The following CMYA5 variants were observed in gnomAD, a reference collection of about 807,000 sequenced individuals.
CMYA5 encodes cardiomyopathy-associated protein 5.
Under a neutral mutation model 318.9 loss-of-function variants are expected in CMYA5, and 246 were observed. The observed-to-expected ratio is 0.77, with a 90% confidence interval of 0.70 to 0.86. The LOEUF is 0.86. Ranked by LOEUF, CMYA5 falls within the 40% of genes least tolerant of loss-of-function variation. CMYA5 has a pLI of 0.00. For missense variants in CMYA5, 4,589 were observed against 4,678.2 expected (o/e 0.98, Z 0.56); for synonymous variants, 1,641 against 1,729.5 (o/e 0.95, Z 1.27).
intron 1 of CMYA5, among the ~76,000 whole-genome samples, chr5:79,716,060 G>A (rs1827509490): frequency 6.6e-6 from 1 of 152,114 alleles, no homozygotes; most frequent in Non-Finnish European, 1.5e-5. Flanking sequence ...AGTTTGTGGT[G>A]GATACTCACA....
Position 79,729,083 on chromosome 5 carries a change from G to A in CMYA5, c.318G>A (p.Val106=), listed in dbSNP as rs781467677. The part of the protein sequence containing the change: ...WASEESQTSG[V]CSREGSTVNS... The stretch of plus-strand genomic sequence containing the variant: ...CAGAAGAAAGTCAGACTTCTGGTGT[G>A]TGTAGTCGGGAAGGGTCAACTGTGA... The change falls in exon 2 of 13, where the codon GTG becomes GTA. Residue 106 remains valine (V), a synonymous_variant. Transcript: ENST00000446378. The A allele has an allele frequency of 8.1e-6, 13 of 1,613,898 alleles. No homozygotes were observed. The highest frequency in any genetic ancestry group is 1.1e-5 in the Non-Finnish European group (13 of 1,179,864).
At position 79,737,805 on chromosome 5, in the gene CMYA5, AC is replaced by A; in HGVS notation, c.9044del (p.Pro3015HisfsTer2). ...GAGCAGGTTAGAAGATGAAAAAGTT[AC>A]CCCATTGAAAGAAAATAAACAAAAG... ...LKSRLEDEKV[T>X]PLKENKQKET... is the part of the protein sequence containing the mutation. On this transcript the variant is annotated frameshift_variant, in exon 2 of 13. Coordinates refer to ENST00000446378, the MANE Select transcript of CMYA5 (RefSeq NM_153610.5). LOFTEE classifies it high-confidence loss of function. 6.2e-7 allele frequency: 1 copy of A among 1,608,474 alleles called. No homozygotes were observed.
chr5:79,689,855 G>T lies in CMYA5; in HGVS notation c.-53G>T. On this transcript the variant is annotated 5_prime_UTR_variant, in exon 1 of 13. It adds an upstream start codon to the 5' untranslated region. Coordinates refer to ENST00000446378, the MANE Select transcript of CMYA5 (RefSeq NM_153610.5). ...CAGAGCAGTCGGAGGGAGAACACCA[G>T]GCGCGGCGCGGGCGGCTCCGGCTCC... 1.6e-6 allele frequency: 1 copy of T among 639,946 alleles called. No individual in the cohort carries two copies. Among genetic ancestry groups the T allele is most frequent in the South Asian group, 1.7e-5 (1 of 58,204 alleles). The allele number at this position is 639,946 out of a possible 1,614,324, so 39.6% of individuals were successfully genotyped here. A position where few individuals can be genotyped will look rare whatever the true frequency, so the allele number is the denominator to read the frequency against.
intron 1 of CMYA5, among the ~76,000 whole-genome samples, chr5:79,723,483 T>G (rs1459620826): frequency 6.8e-6 from 1 of 147,344 alleles, no homozygotes; most frequent in Non-Finnish European, 1.5e-5. Context: ...GATTACAGGC[T>G]GGCCATGGTG....
chr5:79,763,592 A>G (rs1828697166), intron 9 of CMYA5, among the ~76,000 whole-genome samples: 2 of 152,202 alleles, frequency 1.3e-5, no homozygotes, highest in African/African-American at 4.8e-5. Flanking sequence ...TATAATGTAA[A>G]TTGGAATGTC....
chr5:79,738,214 C>A lies in CMYA5; in HGVS notation c.9449C>A (p.Ser3150Ter). 1 of 1,613,840 alleles carries A rather than the reference C, an allele frequency of 6.2e-7. No individual in the cohort carries two copies. Among genetic ancestry groups the A allele is most frequent in the Non-Finnish European group, 8.5e-7 (1 of 1,179,840 alleles). The change falls in exon 2 of 13, where the codon TCA (serine) becomes TAA (stop). Residue 3150 changes from serine to a stop codon, truncating the protein, a stop_gained. Coordinates refer to ENST00000446378, the MANE Select transcript of CMYA5 (RefSeq NM_153610.5). LOFTEE classifies it high-confidence loss of function. Reference sequence around the variant, plus strand: ...AAGGACACAAAGAGAGATGTGGACTCAAAGTCACCGGGGATGCCTTTATTT... The same window carrying A: ...AAGGACACAAAGAGAGATGTGGACTAAAAGTCACCGGGGATGCCTTTATTT... ...VSKDTKRDVD[S>*]KSPGMPLFEA...
At chr5:79,704,565 TA>T (rs1218886297) in intron 1 of CMYA5, among the ~76,000 whole-genome samples, 1 of 152,162 alleles carries the variant, frequency 6.6e-6, no homozygotes, top group Non-Finnish European at 1.5e-5. Flanking sequence ...GGAAAAGCAA[TA>T]AAATATCTTT....
At chr5:79,705,557 A>G (rs1217342170) in intron 1 of CMYA5, among the ~76,000 whole-genome samples, 4 of 152,108 alleles carry the variant, frequency 2.6e-5, no homozygotes, top group South Asian at 2.1e-4. Context: ...AATTGAAAGA[A>G]CTTTTATTTC....
intron 1 of CMYA5, among the ~76,000 whole-genome samples, chr5:79,726,734 C>A (rs1196792850): frequency 3.9e-5 from 6 of 152,092 alleles, no homozygotes; most frequent in African/African-American, 1.4e-4. Context: ...ACAGCCATAA[C>A]CCCTTTGCAG....
chr5:79,742,973 CAAGGAATACCATATG>C (rs1176985585), intron 2 of CMYA5, among the ~76,000 whole-genome samples: 1 of 152,040 alleles, frequency 6.6e-6, no homozygotes, highest in African/African-American at 2.4e-5. Context: ...ATTCTAGAGC[CAAGGAATACCATATG>C]AAGGCACACA....
At chr5:79,769,123 G>C (rs1180368892) in intron 9 of CMYA5, among the ~76,000 whole-genome samples, 1 of 151,840 alleles carries the variant, frequency 6.6e-6, no homozygotes, top group Non-Finnish European at 1.5e-5. Context: ...AGAAGTTCTC[G>C]TGCTGTGTTT....
intron 1 of CMYA5, among the ~76,000 whole-genome samples, chr5:79,692,911 C>A (rs1407718606): frequency 1.3e-5 from 2 of 152,138 alleles, no homozygotes; most frequent in Non-Finnish European, 2.9e-5. Flanking sequence ...TAATATTTGC[C>A]ATAGACAATG....
At chr5:79,794,782 C>T (rs763833492) in intron 12 of CMYA5, among the ~76,000 whole-genome samples, 1 of 152,190 alleles carries the variant, frequency 6.6e-6, no homozygotes, top group Non-Finnish European at 1.5e-5. Flanking sequence ...TCTCTGGCTG[C>T]ACATTTCTCC....
chr5:79,733,016 C>CA lies in CMYA5; in HGVS notation c.4253dup (p.Val1419GlyfsTer4), dbSNP rs1561208547. The CA allele has an allele frequency of 6.2e-7, 1 of 1,613,378 alleles. No individual in the cohort carries two copies. The highest frequency in any genetic ancestry group is 8.5e-7 in the Non-Finnish European group (1 of 1,179,654). On this transcript the variant is annotated frameshift_variant, in exon 2 of 13. Coordinates refer to ENST00000446378, the MANE Select transcript of CMYA5 (RefSeq NM_153610.5). LOFTEE classifies it high-confidence loss of function. ...AACATTCAGTTCTTGCAGAAGAAGA[C>CA]AAGGTGGCAATTAAAGGTGCTTCTC...
chr5:79,691,956 C>T (rs1329974838), intron 1 of CMYA5, among the ~76,000 whole-genome samples: 1 of 152,150 alleles, frequency 6.6e-6, no homozygotes, highest in East Asian at 1.9e-4. Flanking sequence ...TAAGTTTTTT[C>T]TGATTGGCAA....
At position 79,733,332 on chromosome 5, in the gene CMYA5, T is replaced by G. The variant is rs777055577; in HGVS notation, c.4567T>G (p.Leu1523Val). 1.1e-5 allele frequency: 17 copies of G among 1,613,604 alleles called. No individual in the cohort carries two copies. In the South Asian group the frequency reaches 1.9e-4, roughly 18 times the overall value. Reference sequence around the variant, plus strand: ...GAGCTTGATGTCTACCTCAGAGGTGTTAGAGCCTGAACATGAGCTTCCACT... The same window carrying G: ...GAGCTTGATGTCTACCTCAGAGGTGGTAGAGCCTGAACATGAGCTTCCACT... ...KKSLMSTSEV[L>V]EPEHELPLSL... Residue 1523 changes from leucine (L) to valine (V), a missense_variant, in exon 2 of 13, where the codon TTA becomes GTA. Physicochemically the swap from Leu to Val is conservative, Grantham distance 32. Coordinates refer to ENST00000446378, the MANE Select transcript of CMYA5 (RefSeq NM_153610.5).
chr5:79,738,194 C>T lies in CMYA5; in HGVS notation c.9429C>T (p.Asp3143=), dbSNP rs1242390699. 6.2e-7 allele frequency: 1 copy of T among 1,613,752 alleles called. No individual in the cohort carries two copies. The highest frequency in any genetic ancestry group is 1.3e-5 in the African/African-American group (1 of 74,924). ...QNSADRNVSK[D]TKRDVDSKSP... ...CAGCTGACAGGAATGTTTCAAAGGACACAAAGAGAGATGTGGACTCAAAGT... is the reference window on the plus strand; with the variant it reads ...CAGCTGACAGGAATGTTTCAAAGGATACAAAGAGAGATGTGGACTCAAAGT... Residue 3143 remains aspartate, a synonymous_variant, in exon 2 of 13, where the codon GAC becomes GAT. Transcript: ENST00000446378.
Position 79,735,458 on chromosome 5 carries a change from G to T in CMYA5, c.6693G>T (p.Glu2231Asp), listed in dbSNP as rs1828036275. The change falls in exon 2 of 13, where the codon GAG (glutamate) becomes GAT (aspartate). Residue 2231 changes from glutamate to aspartate, a missense_variant. Glu to Asp is a conservative substitution (Grantham distance 45). Around this residue, in one of 3 missense-constraint regions of CMYA5, gnomAD observed 2,431 missense variants for 2,495.1 expected, o/e 0.97. Transcript: ENST00000446378. Reference protein sequence around the residue: ...GTIPTNFNVAEKPADHSLSEV... With the variant: ...GTIPTNFNVADKPADHSLSEV... Reference sequence around the variant, plus strand: ...TTCCCACCAATTTTAATGTAGCTGAGAAACCAGCTGATCATTCATTATCAG... The same window carrying T: ...TTCCCACCAATTTTAATGTAGCTGATAAACCAGCTGATCATTCATTATCAG... 6.2e-7 allele frequency: 1 copy of T among 1,613,638 alleles called. No individual in the cohort carries two copies. Among genetic ancestry groups the T allele is most frequent in the Non-Finnish European group, 8.5e-7 (1 of 1,179,724 alleles).
At chr5:79,707,750 G>A (rs1245673554) in intron 1 of CMYA5, among the ~76,000 whole-genome samples, 1 of 152,180 alleles carries the variant, frequency 6.6e-6, no homozygotes, top group Non-Finnish European at 1.5e-5. Flanking sequence ...TCAAGCCCCG[G>A]AAAGGAAGGG....
Sources: allele counts gnomAD v4.1 joint callset (sites outside exome capture counted in the v4.1 genomes callset), GRCh38; gene constraint gnomAD v4.1.1; regional missense constraint gnomAD v4.1.1; transcripts MANE v1.5; gene names NCBI Gene and HGNC (gene_info 2026-07-23, HGNC 2026-07-21).